The following ZMAT4 variants were observed in gnomAD, a reference collection of about 807,000 sequenced individuals.
ZMAT4 encodes the protein zinc finger matrin-type 4.
In ZMAT4, 17 loss-of-function variants were observed where a neutral mutation model predicts 28.7. That is an observed-to-expected ratio of 0.59 (90% CI 0.41 to 0.89). The LOEUF is 0.89. Ranked by LOEUF, ZMAT4 falls within the 40% of genes least tolerant of loss-of-function variation. ZMAT4 has a pLI of 0.00. For missense variants in ZMAT4, 240 were observed against 283.8 expected (o/e 0.85, Z 1.11); for synonymous variants, 117 against 109.2 (o/e 1.07, Z -0.44).
At chr8:40,762,281 A>G (rs1326234294) in intron 3 of ZMAT4, among the ~76,000 whole-genome samples, 1 of 152,190 alleles carries the variant, frequency 6.6e-6, no homozygotes, top group Admixed American at 6.5e-5. Flanking sequence ...AGTTAAGAAG[A>G]TGTCATGTTG....
Position 40,697,325 on chromosome 8 carries a change from G to A in ZMAT4, c.269C>T (p.Ala90Val). 1 of 1,613,816 alleles carries A rather than the reference G, an allele frequency of 6.2e-7. No individual in the cohort carries two copies. The highest frequency in any genetic ancestry group is 8.5e-7 in the Non-Finnish European group (1 of 1,179,830). ...CNMSFTSAVV[A>V]DSHYQGKIHA... The stretch of plus-strand genomic sequence containing the variant: ...GATTTTGCCTTGATAATGGGAATCG[G>A]CCACCACCGCTGAAGTGAATGACAT... Residue 90 changes from alanine to valine, a missense_variant, in exon 4 of 7, where the codon GCC becomes GTC. Ala to Val is a moderately conservative substitution (Grantham distance 64). Transcript: ENST00000297737.
chr8:40,639,891 TA>T (rs1341792204), intron 5 of ZMAT4, among the ~76,000 whole-genome samples: 5 of 152,134 alleles, frequency 3.3e-5, no homozygotes, highest in Middle Eastern at 3.4e-3. Context: ...TTAAAAAGGG[TA>T]AAAAAACTAA....
chr8:40,786,579 A>T, intron 2 of ZMAT4: 1 of 726,488 alleles, frequency 1.4e-6, no homozygotes, highest in South Asian at 1.8e-5. Context: ...CAAAACAAAG[A>T]ACAGCCAGCA....
At chr8:40,676,534 G>A (rs1188576425) in intron 4 of ZMAT4, among the ~76,000 whole-genome samples, 1 of 152,080 alleles carries the variant, frequency 6.6e-6, no homozygotes, top group Non-Finnish European at 1.5e-5. Flanking sequence ...ACAAGTTAAG[G>A]AACCAATTAA....
At chr8:40,879,320 G>C (rs1818143399) in intron 1 of ZMAT4, among the ~76,000 whole-genome samples, 1 of 152,336 alleles carries the variant, frequency 6.6e-6, no homozygotes, top group Admixed American at 6.5e-5. Flanking sequence ...CTACTCAGGA[G>C]GCTGAGGCAG....
At chr8:40,721,178 T>C (rs922711079) in intron 3 of ZMAT4, among the ~76,000 whole-genome samples, 2 of 142,400 alleles carry the variant, frequency 1.4e-5, no homozygotes, top group African/African-American at 5.3e-5. Context: ...CCTTCCTGTG[T>C]CCATGTGATC....
At chr8:40,666,807 A>G (rs1450020621) in intron 5 of ZMAT4, among the ~76,000 whole-genome samples, 2 of 152,190 alleles carry the variant, frequency 1.3e-5, no homozygotes, top group African/African-American at 4.8e-5. Context: ...ATTTTTTTCA[A>G]TCAATATATC....
chr8:40,539,515 C>A (rs72636908), intron 6 of ZMAT4, among the ~76,000 whole-genome samples: 11,841 of 152,282 alleles, frequency 0.078, 625 homozygotes, highest in South Asian at 0.21. Context: ...TGATTTTAAA[C>A]TTCCATACCA....
At chr8:40,668,468 C>CAAAAAAAAAAGAAAAAAAAAAAAAA (rs1808530839) in intron 5 of ZMAT4, among the ~76,000 whole-genome samples, 1 of 85,022 alleles carries the variant, frequency 1.2e-5, no homozygotes. Context: ...GACTTTGTCT[C>CAAAAAAAAAAGAAAAAAAAAAAAAA]AAAAAAAAAA....
chr8:40,832,554 C>T (rs574053415), intron 1 of ZMAT4, among the ~76,000 whole-genome samples: 2 of 152,298 alleles, frequency 1.3e-5, no homozygotes, highest in East Asian at 3.9e-4. Flanking sequence ...CATGCCACCA[C>T]CAAACAGCCT....
At chr8:40,555,962 G>A (rs726853) in intron 6 of ZMAT4, among the ~76,000 whole-genome samples, 16,807 of 152,120 alleles carry the variant, frequency 0.11, 2,876 homozygotes, top group African/African-American at 0.37. Context: ...GATGGTATTT[G>A]GACTTTATCT....
At chr8:40,613,180 C>CTTTCTTTCT (rs71224837) in intron 5 of ZMAT4, among the ~76,000 whole-genome samples, 1 of 79,966 alleles carries the variant, frequency 1.3e-5, no homozygotes, top group Non-Finnish European at 2.2e-5. Flanking sequence ...TACTTTCTTT[C>CTTTCTTTCT]TTTTTTTTTT....
intron 5 of ZMAT4, among the ~76,000 whole-genome samples, chr8:40,647,110 C>G (rs1585810931): frequency 6.6e-6 from 1 of 152,144 alleles, no homozygotes; most frequent in African/African-American, 2.4e-5. Flanking sequence ...GTCTACAGCT[C>G]CCAGCGTGAG....
rs573922923 is a variant in ZMAT4 at position 40,638,805 on chromosome 8, G to T, written c.577+35899C>A. Among the ~76,000 whole-genome samples, 5 of 152,322 alleles carry T rather than the reference G, an allele frequency of 3.3e-5. 1 individual carries two copies. In the South Asian group the frequency reaches 1.0e-3, roughly 32 times the overall value. ...ACTATTTGGATTTCTTTTAAATAGAGAATCCTGTGTAAATGTACAAGGTAA... is the reference window on the plus strand; with the variant it reads ...ACTATTTGGATTTCTTTTAAATAGATAATCCTGTGTAAATGTACAAGGTAA... On this transcript the variant is annotated intron_variant, in intron 5 of 6. Transcript: ENST00000297737.
chr8:40,548,224 AT>A (rs746544040), intron 6 of ZMAT4, among the ~76,000 whole-genome samples: 13 of 152,266 alleles, frequency 8.5e-5, no homozygotes, highest in Non-Finnish European at 1.3e-4. Context: ...ATGGAAAACC[AT>A]TTGTTTATTT....
At chr8:40,533,351 T>G (rs1202538731) in intron 6 of ZMAT4, among the ~76,000 whole-genome samples, 1 of 152,212 alleles carries the variant, frequency 6.6e-6, no homozygotes, top group Non-Finnish European at 1.5e-5. Flanking sequence ...ATTTCTCGCA[T>G]GCTGCTGAAG....
intron 1 of ZMAT4, among the ~76,000 whole-genome samples, chr8:40,896,654 G>A (rs1049998341): frequency 1.3e-5 from 2 of 152,196 alleles, no homozygotes; most frequent in African/African-American, 2.4e-5. Context: ...GGGTCTCAGA[G>A]CAAGAGAGGC....
At chr8:40,535,264 T>G (rs1464276905) in intron 6 of ZMAT4, among the ~76,000 whole-genome samples, 3 of 152,168 alleles carry the variant, frequency 2.0e-5, no homozygotes, top group Non-Finnish European at 4.4e-5. Context: ...CTTCCGCTTC[T>G]TCCACCACTA....
chr8:40,856,955 C>T (rs1817320892), intron 1 of ZMAT4, among the ~76,000 whole-genome samples: 1 of 152,136 alleles, frequency 6.6e-6, no homozygotes. Flanking sequence ...CAGGCAAGCT[C>T]TGCTGTGAAG....
Sources: allele counts gnomAD v4.1 joint callset (sites outside exome capture counted in the v4.1 genomes callset), GRCh38; gene constraint gnomAD v4.1.1; transcripts MANE v1.5; gene names NCBI Gene and HGNC (gene_info 2026-07-23, HGNC 2026-07-21).